ZNF423: variants seen among roughly 807,000 people sequenced by gnomAD.
The protein encoded by ZNF423 is Ebf-associated zinc finger protein.
In ZNF423, 12 loss-of-function variants were observed where a neutral mutation model predicts 95.8. The ratio of observed to expected loss-of-function variants is 0.13; its 90% confidence interval spans 0.08 to 0.20. The LOEUF is 0.20. ZNF423 is among the 10% of genes least tolerant of loss of function. ZNF423 has a pLI of 1.00. For missense variants in ZNF423, 1,316 were observed against 1,737.1 expected, an observed-to-expected ratio of 0.76 and a Z score of 4.31; for synonymous variants, 749 against 711.9, an observed-to-expected ratio of 1.05 and a Z score of -0.83.
In ZNF423 at chr16:49,658,243, C is replaced by T. The variant is rs141662407; in HGVS notation, c.302-19369G>A. ...CCCTCCAGACAGGGCAGTGCAGGGACGAGGGCGCACCTTCATAGCTGCTGT... is the reference window on the plus strand; with the variant it reads ...CCCTCCAGACAGGGCAGTGCAGGGATGAGGGCGCACCTTCATAGCTGCTGT... On this transcript the variant is annotated intron_variant, in intron 3 of 7. Transcript: ENST00000563137. Among the ~76,000 whole-genome samples the T allele has an allele frequency of 7.4e-3, 1,129 of 152,248 alleles. 9 individuals are homozygous for T. The highest frequency in any genetic ancestry group is 0.026 in the African/African-American group (1,064 of 41,548).
intron 2 of ZNF423, among the ~76,000 whole-genome samples, chr16:49,747,140 G>T (rs544880783): frequency 5.4e-4 from 82 of 152,298 alleles, no homozygotes; most frequent in African/African-American, 1.9e-3. Flanking sequence ...TCCGCCGTGA[G>T]AGTATCTGCT....
intron 2 of ZNF423, among the ~76,000 whole-genome samples, chr16:49,745,259 G>T (rs1284714335): frequency 1.3e-5 from 2 of 152,152 alleles, no homozygotes; most frequent in Non-Finnish European, 2.9e-5. Context: ...TTCACAGAAA[G>T]ACTGCTCATA....
chr16:49,836,777 T>C (rs1346764281), intron 1 of ZNF423, among the ~76,000 whole-genome samples: 1 of 151,802 alleles, frequency 6.6e-6, no homozygotes, highest in Non-Finnish European at 1.5e-5. Context: ...ACTGAACCTC[T>C]CTCCACAAGA....
chr16:49,756,110 C>T (rs955925890), intron 2 of ZNF423, among the ~76,000 whole-genome samples: 4 of 152,152 alleles, frequency 2.6e-5, no homozygotes, highest in African/African-American at 7.2e-5. Context: ...GAGGCAAATG[C>T]AGTGTTTAAG....
At chr16:49,725,875 C>T (rs1170429230) in intron 3 of ZNF423, among the ~76,000 whole-genome samples, 2 of 152,190 alleles carry the variant, frequency 1.3e-5, no homozygotes, top group Non-Finnish European at 2.9e-5. Flanking sequence ...CTAGGGCCCG[C>T]CAGGAGCCTG....
chr16:49,680,369 C>A (rs1200872757), intron 3 of ZNF423, among the ~76,000 whole-genome samples: 1 of 152,272 alleles, frequency 6.6e-6, no homozygotes, highest in East Asian at 1.9e-4. Flanking sequence ...CTCATTCTTC[C>A]TGGACATGGG....
chr16:49,525,288 T>C, intron 6 of ZNF423, 75 bp downstream of exon 6: 1 of 1,581,078 alleles, frequency 6.3e-7, no homozygotes, highest in South Asian at 1.2e-5. Context: ...GAGCACACAC[T>C]GGGATCCCGC....
Position 49,705,772 on chromosome 16 carries a change from T to A in ZNF423, c.301+24999A>T, listed in dbSNP as rs1233491308. On this transcript the variant is annotated intron_variant, in intron 3 of 7. Transcript: ENST00000563137. ...CATGTTGGCTGGGCTGGTCTTGAAC[T>A]CCTGACCTCAGGTGACCCACCCACC... 4.6e-5 allele frequency among the ~76,000 whole-genome samples: 7 copies of A among 152,188 alleles called. No homozygotes were observed. The East Asian group carries it at 1.3e-3, about 29-fold the overall frequency.
chr16:49,629,349 T>C (rs570052431), intron 4 of ZNF423, among the ~76,000 whole-genome samples: 1 of 152,248 alleles, frequency 6.6e-6, no homozygotes, highest in Non-Finnish European at 1.5e-5. Flanking sequence ...ATTGTCAATA[T>C]GGTTGATTTT....
chr16:49,674,464 G>T (rs1410123405), intron 3 of ZNF423, among the ~76,000 whole-genome samples: 2 of 152,204 alleles, frequency 1.3e-5, no homozygotes, highest in African/African-American at 4.8e-5. Flanking sequence ...GGAGGACAGG[G>T]TGGCTCTGAG....
At chr16:49,657,755 C>T (rs1332588185) in intron 3 of ZNF423, among the ~76,000 whole-genome samples, 2 of 152,222 alleles carry the variant, frequency 1.3e-5, no homozygotes, top group Non-Finnish European at 2.9e-5. Flanking sequence ...TGCCTCCTCG[C>T]CACATATGTG....
chr16:49,624,025 T>C (rs1972172490), intron 5 of ZNF423, among the ~76,000 whole-genome samples: 2 of 152,166 alleles, frequency 1.3e-5, no homozygotes, highest in Non-Finnish European at 2.9e-5. Flanking sequence ...GGGCGTTAAG[T>C]CCATACAACC....
intron 1 of ZNF423, among the ~76,000 whole-genome samples, chr16:49,817,648 T>G (rs985538754): frequency 6.6e-6 from 1 of 152,082 alleles, no homozygotes; most frequent in Non-Finnish European, 1.5e-5. Context: ...CAGGCAGAGC[T>G]GAGACCCTGA....
chr16:49,725,968 T>C (rs1327977070), intron 3 of ZNF423, among the ~76,000 whole-genome samples: 1 of 152,160 alleles, frequency 6.6e-6, no homozygotes, highest in Non-Finnish European at 1.5e-5. Context: ...CGATTTCTAT[T>C]CCAAGGCAAG....
intron 5 of ZNF423, among the ~76,000 whole-genome samples, chr16:49,558,518 G>C (rs1460209339): frequency 6.6e-6 from 1 of 152,180 alleles, no homozygotes; most frequent in African/African-American, 2.4e-5. Context: ...GCCCTCCCCA[G>C]TGTGCAGGAG....
chr16:49,836,927 C>A (rs997083493), intron 1 of ZNF423, among the ~76,000 whole-genome samples: 3 of 152,186 alleles, frequency 2.0e-5, no homozygotes, highest in African/African-American at 4.8e-5. Flanking sequence ...CCTCTACATT[C>A]CCCTGGGAGA....
At chr16:49,849,402 G>A (rs567624087) in intron 1 of ZNF423, among the ~76,000 whole-genome samples, 23 of 152,178 alleles carry the variant, frequency 1.5e-4, no homozygotes, top group Non-Finnish European at 1.8e-4. Context: ...AGAAAACTCT[G>A]AATTTGCCAA....
At chr16:49,802,222 G>T (rs901380577) in intron 1 of ZNF423, among the ~76,000 whole-genome samples, 1 of 152,042 alleles carries the variant, frequency 6.6e-6, no homozygotes, top group Non-Finnish European at 1.5e-5. Context: ...GATTGAGTAG[G>T]ATCAGTCAAC....
In ZNF423 at chr16:49,636,489, C is replaced by T. The variant is rs769920707; in HGVS notation, c.2687G>A (p.Cys896Tyr). 2 of 1,613,704 alleles carry T rather than the reference C, an allele frequency of 1.2e-6. No homozygotes were observed. The highest frequency in any genetic ancestry group is 1.1e-5 in the South Asian group (1 of 91,084). ...GGTGTAGGCCGCCCCACAGATGTCA[C>T]AGCCGTACATGGGCTCCGACGCGTC... ...DVDASEPMYGCDICGAAYTME... is the reference protein window; with the variant it reads ...DVDASEPMYGYDICGAAYTME... Residue 896 changes from cysteine to tyrosine, a missense_variant, in exon 4 of 8, where the codon TGT (cysteine) becomes TAT (tyrosine). Coordinates refer to ENST00000563137, the MANE Select transcript of ZNF423 (RefSeq NM_001379286.1). This position sits in a 1 kb window ranked among gnomAD's most constrained non-coding sequence, Gnocchi z 8.6.
Sources: allele counts gnomAD v4.1 joint callset (sites outside exome capture counted in the v4.1 genomes callset), GRCh38; gene constraint gnomAD v4.1.1; non-coding constraint Gnocchi (gnomAD v3.1); transcripts MANE v1.5; gene names NCBI Gene and HGNC (gene_info 2026-07-23, HGNC 2026-07-21).